Variants in DOCK1 observed in about 807,000 individuals in gnomAD.
The protein encoded by DOCK1 is dedicator of cytokinesis protein 1.
A neutral mutation model predicts 262.7 loss-of-function variants in DOCK1; 138 were observed. That is an observed-to-expected ratio of 0.53 (90% CI 0.46 to 0.61). The LOEUF is 0.61. DOCK1 is among the 20% of genes least tolerant of loss of function. DOCK1 has a pLI of 0.00. For missense variants in DOCK1, 1,908 were observed against 2,370.7 expected (o/e 0.80, Z 4.05); for synonymous variants, 866 against 867.4 (o/e 1.00, Z 0.03).
At chr10:127,054,225 G>A (rs2044973837) in intron 22 of DOCK1, among the ~76,000 whole-genome samples, 1 of 152,128 alleles carries the variant, frequency 6.6e-6, no homozygotes, top group South Asian at 2.1e-4. Context: ...TAGTAATAAG[G>A]ACAAAGCAAC....
chr10:127,383,318 A>G (rs2065921210), intron 37 of DOCK1, among the ~76,000 whole-genome samples: 2 of 152,226 alleles, frequency 1.3e-5, no homozygotes, highest in African/African-American at 4.8e-5. Context: ...TGATTTAAAA[A>G]TGCAAGGAAG....
At chr10:127,225,801 G>A (rs1477399043) in intron 27 of DOCK1, among the ~76,000 whole-genome samples, 1 of 152,166 alleles carries the variant, frequency 6.6e-6, no homozygotes, top group Non-Finnish European at 1.5e-5. Context: ...GTAGTTGGAC[G>A]GGCATGGTGG....
intron 15 of DOCK1, 26 bp downstream of exon 15, chr10:127,024,809 A>C: frequency 2.6e-6 from 4 of 1,550,130 alleles, no homozygotes; most frequent in Non-Finnish European, 3.5e-6. Context: ...TCATTTTATC[A>C]CATGGCGCTG....
intron 29 of DOCK1, among the ~76,000 whole-genome samples, chr10:127,336,099 C>T (rs2063181131): frequency 6.6e-6 from 1 of 151,530 alleles, no homozygotes; most frequent in Admixed American, 6.6e-5. Flanking sequence ...GTGATCTGCC[C>T]GCCTCAGCCT....
intron 29 of DOCK1, among the ~76,000 whole-genome samples, chr10:127,326,213 A>G (rs148731512): frequency 6.6e-6 from 1 of 152,208 alleles, no homozygotes; most frequent in Non-Finnish European, 1.5e-5. Flanking sequence ...GAAATTTGCC[A>G]CATCATTTGA....
intron 29 of DOCK1, among the ~76,000 whole-genome samples, chr10:127,336,408 G>T (rs1045962971): frequency 6.6e-6 from 1 of 151,630 alleles, no homozygotes; most frequent in South Asian, 2.1e-4. Flanking sequence ...TTTTTGTCCC[G>T]GCATTTAAAA....
chr10:126,920,092 C>T (rs1030647459), intron 1 of DOCK1, among the ~76,000 whole-genome samples: 6 of 152,134 alleles, frequency 3.9e-5, no homozygotes, highest in Non-Finnish European at 5.9e-5. Flanking sequence ...GGCTCCATCC[C>T]GATGGGCTTC....
At chr10:126,942,371 C>A (rs1393122827) in intron 1 of DOCK1, among the ~76,000 whole-genome samples, 1 of 152,130 alleles carries the variant, frequency 6.6e-6, no homozygotes, top group Non-Finnish European at 1.5e-5. Flanking sequence ...GGAATGAGCT[C>A]AAGGAGGAGA....
At position 127,404,438 on chromosome 10, in the gene DOCK1, T is replaced by G; in HGVS notation, c.4122+9T>G. On this transcript the variant is annotated intron_variant, in intron 40 of 51. Coordinates refer to ENST00000623213, the MANE Select transcript of DOCK1 (RefSeq NM_001290223.2). The stretch of plus-strand genomic sequence containing the variant: ...TCCCCACATTCCTGCGGGTAAAGTT[T>G]GGTTCTGCCTAATCTGAGCCATGAT... The G allele has an allele frequency of 6.2e-7, 1 of 1,610,610 alleles. No individual in the cohort carries two copies. The highest frequency in any genetic ancestry group is 8.5e-7 in the Non-Finnish European group (1 of 1,177,988).
At chr10:126,927,859 G>T (rs1440462545) in intron 1 of DOCK1, among the ~76,000 whole-genome samples, 1 of 152,206 alleles carries the variant, frequency 6.6e-6, no homozygotes, top group African/African-American at 2.4e-5. Context: ...CCACCCTTGG[G>T]TTGCTGTGGC....
At chr10:127,094,059 C>T (rs1731675418) in intron 23 of DOCK1, among the ~76,000 whole-genome samples, 1 of 152,070 alleles carries the variant, frequency 6.6e-6, no homozygotes, top group Non-Finnish European at 1.5e-5. Flanking sequence ...GTTCCTACCT[C>T]TTTGCCTGCC....
chr10:127,374,572 A>G (rs2065382829), intron 35 of DOCK1, among the ~76,000 whole-genome samples: 1 of 152,196 alleles, frequency 6.6e-6, no homozygotes, highest in Admixed American at 6.5e-5. Flanking sequence ...GGTGGCCTCA[A>G]AGGTAGAGCA....
intron 29 of DOCK1, among the ~76,000 whole-genome samples, chr10:127,328,493 AC>A (rs2062836702): frequency 6.6e-6 from 1 of 152,126 alleles, no homozygotes; most frequent in Non-Finnish European, 1.5e-5. Context: ...ATTGTTGTAG[AC>A]CAGGGGCCAT....
At chr10:127,412,655 A>G (rs1292339472) in intron 43 of DOCK1, among the ~76,000 whole-genome samples, 5 of 152,218 alleles carry the variant, frequency 3.3e-5, no homozygotes, top group Admixed American at 3.3e-4. Context: ...CCCTTCCAGC[A>G]GGGTTGCCTC....
rs2069794105 is a variant in DOCK1, at chr10:127,437,750, A to T, written c.5061-1277A>T. Among the ~76,000 whole-genome samples the T allele has an allele frequency of 6.6e-6, 1 of 152,202 alleles. No individual in the cohort carries two copies. Among genetic ancestry groups the T allele is most frequent in the Non-Finnish European group, 1.5e-5 (1 of 68,032 alleles). On this transcript the variant is annotated intron_variant, in intron 48 of 51. Coordinates refer to ENST00000623213, the MANE Select transcript of DOCK1 (RefSeq NM_001290223.2). The surrounding 1 kb of genome is among the most constrained non-coding windows in gnomAD (Gnocchi z 4.4). Reference sequence around the variant, plus strand: ...TGCCTTAGCCTCCCCAAGTGCTAGGATTATAGGCATGAGCCACCATGCCCG... The same window carrying T: ...TGCCTTAGCCTCCCCAAGTGCTAGGTTTATAGGCATGAGCCACCATGCCCG...
chr10:127,374,860 C>A (rs929838978), intron 35 of DOCK1, among the ~76,000 whole-genome samples: 1 of 152,164 alleles, frequency 6.6e-6, no homozygotes, highest in Non-Finnish European at 1.5e-5. Context: ...AGGAAGGATC[C>A]CCCCCTAGAG....
Position 127,053,130 on chromosome 10 carries a change from A to G in DOCK1, c.2336+315A>G, listed in dbSNP as rs140670061. Among the ~76,000 whole-genome samples, 304 of 152,358 alleles carry G rather than the reference A, an allele frequency of 2.0e-3. 5 individuals are homozygous for G. The East Asian group carries it at 0.047, about 24-fold the overall frequency. On this transcript the variant is annotated intron_variant, in intron 22 of 51. Coordinates refer to ENST00000623213, the MANE Select transcript of DOCK1 (RefSeq NM_001290223.2). ...AATCCTGGGCGTCTACTGAGGGCTCAGAAGCCCTTTTCAGGATATCTTTAT... is the reference window on the plus strand; with the variant it reads ...AATCCTGGGCGTCTACTGAGGGCTCGGAAGCCCTTTTCAGGATATCTTTAT...
rs764869053 is a variant in DOCK1 at position 127,127,650 on chromosome 10, T to C, written c.2752-19T>C. On this transcript the variant is annotated intron_variant, in intron 26 of 51. Transcript: ENST00000623213. Reference sequence around the variant, plus strand: ...AATGTTTCTCTGGTGTTGGTGTTCATTGGTGTGTCCTTCCCCAGGGGCCAA... The same window carrying C: ...AATGTTTCTCTGGTGTTGGTGTTCACTGGTGTGTCCTTCCCCAGGGGCCAA... 6.3e-6 allele frequency: 10 copies of C among 1,599,038 alleles called. No homozygotes were observed. Among genetic ancestry groups the C allele is most frequent in the Non-Finnish European group, 2.6e-6 (3 of 1,167,538 alleles).
At chr10:127,318,070 A>G (rs1031721609) in intron 29 of DOCK1, among the ~76,000 whole-genome samples, 1 of 152,222 alleles carries the variant, frequency 6.6e-6, no homozygotes, top group Non-Finnish European at 1.5e-5. Flanking sequence ...ACCTTTAAGT[A>G]GAAATGTACA....
Sources: gnomAD v4.1 joint callset for allele counts (sites outside exome capture counted in the v4.1 genomes callset) on GRCh38, gnomAD v4.1.1 for gene constraint, Gnocchi (gnomAD v3.1) non-coding constraint, MANE v1.5 for transcripts, NCBI Gene and HGNC (gene_info 2026-07-23, HGNC 2026-07-21) for gene names.